Variants in SNTG1 observed in about 807,000 individuals in gnomAD.
SNTG1 encodes gamma-1-syntrophin.
In SNTG1, 39 loss-of-function variants were observed where a neutral mutation model predicts 74.7. That is an observed-to-expected ratio of 0.52 (90% confidence interval 0.40 to 0.68). The LOEUF (loss-of-function observed/expected upper bound fraction) is 0.68, where lower values mean the gene tolerates loss of function less well. SNTG1 is among the 30% of genes least tolerant of loss of function. The probability of loss-of-function intolerance (pLI) is 0.00; values close to 1 mark genes in which losing one functional copy is unlikely to be tolerated. For synonymous variants in SNTG1, 254 were observed against 217.1 expected (o/e 1.17, Z -1.49); for missense variants, 685 against 609.5 (o/e 1.12, Z -1.30).
At chr8:50,573,053 C>T (rs943551318) in intron 12 of SNTG1, among the ~76,000 whole-genome samples, 3 of 151,890 alleles carry the variant, frequency 2.0e-5, no homozygotes, top group Non-Finnish European at 4.4e-5. Context: ...AAATTGGTAT[C>T]GTTAAGATAC....
At position 50,515,854 on chromosome 8, in the gene SNTG1, G is replaced by T. The variant is rs1209627856; in HGVS notation, c.466+12974G>T. Among the ~76,000 whole-genome samples the T allele has an allele frequency of 2.0e-5, 3 of 152,240 alleles. No homozygotes were observed. The East Asian group carries it at 5.8e-4, about 29-fold the overall frequency. The stretch of plus-strand genomic sequence containing the variant: ...TCTCCCTGGGACAGAGCACCTGGGG[G>T]AAGGGGCGGCTGTGGGCACGGCTTC... On this transcript the variant is annotated intron_variant, in intron 9 of 18. Transcript: ENST00000642720.
At chr8:50,496,801 A>G (rs1207066704) in intron 8 of SNTG1, among the ~76,000 whole-genome samples, 1 of 152,168 alleles carries the variant, frequency 6.6e-6, no homozygotes, top group Admixed American at 6.6e-5. Flanking sequence ...ATTAAAATTC[A>G]CAACATTTTA....
chr8:50,493,907 G>T (rs1246015253), intron 8 of SNTG1, among the ~76,000 whole-genome samples: 1 of 151,528 alleles, frequency 6.6e-6, no homozygotes, highest in Non-Finnish European at 1.5e-5. Context: ...CAAATTTGAT[G>T]AGTTCCAGCA....
chr8:50,693,037 T>TA lies in SNTG1; in HGVS notation c.1039-11562dup, dbSNP rs572351778. ...AGCAATGAGCAAGACTCCGTGGGCA[T>TA]AGGACCCTCTGAGCCAGGTGCAGGA... On this transcript the variant is annotated intron_variant, in intron 15 of 18. Transcript: ENST00000642720. Among the ~76,000 whole-genome samples the TA allele has an allele frequency of 9.4e-3, 1,433 of 152,302 alleles. 6 individuals are homozygous for TA. The highest frequency in any genetic ancestry group is 0.015 in the Non-Finnish European group (1,044 of 68,024).
At chr8:50,310,729 A>C (rs922662771) in intron 2 of SNTG1, among the ~76,000 whole-genome samples, 1 of 152,190 alleles carries the variant, frequency 6.6e-6, no homozygotes, top group African/African-American at 2.4e-5. Flanking sequence ...AATAAATGTA[A>C]GTATCCTTTG....
intron 2 of SNTG1, among the ~76,000 whole-genome samples, chr8:50,325,948 A>G (rs1292425417): frequency 6.6e-6 from 1 of 151,192 alleles, no homozygotes; most frequent in African/African-American, 2.4e-5. Flanking sequence ...AACAGATGTT[A>G]AATTTTATCA....
At chr8:50,276,652 C>T (rs949838290) in intron 2 of SNTG1, among the ~76,000 whole-genome samples, 3 of 151,934 alleles carry the variant, frequency 2.0e-5, no homozygotes, top group African/African-American at 7.2e-5. Flanking sequence ...ATGTAACAAG[C>T]ACTGGTGTAT....
chr8:49,938,651 T>TTTCTTTCTTTCTTTCTTTCCTTC (rs1563371342), intron 1 of SNTG1, among the ~76,000 whole-genome samples: 2 of 52,632 alleles, frequency 3.8e-5, no homozygotes, highest in African/African-American at 1.0e-4. Context: ...TTCCTTCCTC[T>TTTCTTTCTTTCTTTCTTTCCTTC]CTCTCTCTCT....
chr8:50,297,111 A>G (rs182228795), intron 2 of SNTG1, among the ~76,000 whole-genome samples: 12 of 152,232 alleles, frequency 7.9e-5, no homozygotes, highest in African/African-American at 2.4e-4. Flanking sequence ...TGTGGAATTA[A>G]TTATTTTTCG....
At chr8:50,214,047 G>A (rs959995135) in intron 2 of SNTG1, among the ~76,000 whole-genome samples, 2 of 151,942 alleles carry the variant, frequency 1.3e-5, no homozygotes, top group African/African-American at 4.8e-5. Flanking sequence ...TTCTTCTAGG[G>A]TTTTTATGGT....
At chr8:50,763,065 T>C (rs896724109) in intron 18 of SNTG1, among the ~76,000 whole-genome samples, 4 of 151,914 alleles carry the variant, frequency 2.6e-5, no homozygotes, top group African/African-American at 9.7e-5. Context: ...TCAATGATAC[T>C]TCAGGCTTCC....
At chr8:50,417,496 T>A (rs1189565507) in intron 4 of SNTG1, among the ~76,000 whole-genome samples, 1 of 152,176 alleles carries the variant, frequency 6.6e-6, no homozygotes, top group Non-Finnish European at 1.5e-5. Flanking sequence ...CTTCTCTTTT[T>A]TCTTCTAAAT....
At chr8:50,597,386 TA>T (rs2094737369) in intron 13 of SNTG1, among the ~76,000 whole-genome samples, 1 of 96,040 alleles carries the variant, frequency 1.0e-5, no homozygotes, top group African/African-American at 1.6e-4. Flanking sequence ...TATACACATA[TA>T]TACATATATA....
intron 1 of SNTG1, among the ~76,000 whole-genome samples, chr8:49,930,449 C>A (rs1268977499): frequency 3.3e-5 from 5 of 150,584 alleles, no homozygotes; most frequent in African/African-American, 1.2e-4. Flanking sequence ...AATAATCTAG[C>A]AATCTAGAAA....
intron 2 of SNTG1, among the ~76,000 whole-genome samples, chr8:50,184,211 G>C (rs941732585): frequency 6.6e-6 from 1 of 152,160 alleles, no homozygotes; most frequent in Non-Finnish European, 1.5e-5. Context: ...TGTCGCCCAG[G>C]CTGGACTTCA....
Position 50,655,033 on chromosome 8 carries a change from G to A in SNTG1, c.850-1876G>A, listed in dbSNP as rs1367090747. ...GCACACCTATGGCAAAAGTTGACCC[G>A]CATTTGTATTAATGATTAACCTCTC... On this transcript the variant is annotated intron_variant, in intron 13 of 18. Transcript: ENST00000642720. Among the ~76,000 whole-genome samples the A allele has an allele frequency of 6.6e-5, 10 of 152,166 alleles. No individual in the cohort carries two copies. The East Asian group carries it at 7.7e-4, about 12-fold the overall frequency.
chr8:50,394,084 G>T (rs2092697517), intron 2 of SNTG1, 128 bp from the exon 3 acceptor site: 2 of 596,926 alleles, frequency 3.4e-6, no homozygotes, highest in Non-Finnish European at 5.8e-6. Context: ...TGGAGCTCTT[G>T]TTCCTTACAA....
At chr8:50,393,111 T>G (rs2092684349) in intron 2 of SNTG1, among the ~76,000 whole-genome samples, 1 of 152,086 alleles carries the variant, frequency 6.6e-6, no homozygotes. Context: ...TAATAAAAAT[T>G]TCATTAATAT....
intron 4 of SNTG1, among the ~76,000 whole-genome samples, chr8:50,411,456 A>AT (rs892872570): frequency 5.9e-5 from 9 of 151,542 alleles, no homozygotes; most frequent in South Asian, 2.1e-4. Context: ...TCAAAAAAAA[A>AT]AAATAAAAAG....
Sources: allele counts gnomAD v4.1 joint callset (sites outside exome capture counted in the v4.1 genomes callset), GRCh38; gene constraint gnomAD v4.1.1; transcripts MANE v1.5; gene names NCBI Gene and HGNC (gene_info 2026-07-23, HGNC 2026-07-21).